Variants in CCNJL observed in about 807,000 individuals in gnomAD.
The protein encoded by CCNJL is cyclin-J-like protein.
In CCNJL, 33 loss-of-function variants were observed where a neutral mutation model predicts 33.4. The observed-to-expected ratio is 0.99, with a 90% CI of 0.75 to 1.32. The LOEUF is 1.32. Among genes scored for constraint, CCNJL ranks in the 40% most tolerant of loss-of-function variants. The pLI is 0.00. For synonymous variants in CCNJL, 227 were observed against 220.9 expected, an observed-to-expected ratio of 1.03 and a Z score of -0.24; for missense variants, 512 against 499.7, an observed-to-expected ratio of 1.02 and a Z score of -0.23.
At chr5:160,334,004 C>T (rs1581024935) in intron 1 of CCNJL, among the ~76,000 whole-genome samples, 1 of 152,288 alleles carries the variant, frequency 6.6e-6, no homozygotes, top group Non-Finnish European at 1.5e-5. Context: ...ATTCTCCACC[C>T]TAACTCAGCC....
chr5:160,329,135 T>C (rs1763574644), intron 1 of CCNJL, among the ~76,000 whole-genome samples: 1 of 152,112 alleles, frequency 6.6e-6, no homozygotes, highest in South Asian at 2.1e-4. Flanking sequence ...GTCCAGGTGT[T>C]AAAAACAATT....
At chr5:160,306,514 T>TA (rs1484532576) in intron 2 of CCNJL, among the ~76,000 whole-genome samples, 1 of 152,032 alleles carries the variant, frequency 6.6e-6, no homozygotes, top group Non-Finnish European at 1.5e-5. Context: ...CCCAGGAAGA[T>TA]AAAGTTACCA....
chr5:160,300,543 C>CT (rs1205366055), intron 2 of CCNJL, among the ~76,000 whole-genome samples: 3 of 152,050 alleles, frequency 2.0e-5, no homozygotes, highest in Admixed American at 6.6e-5. Flanking sequence ...TTTTGTGATT[C>CT]TTTTTTTAGC....
intron 2 of CCNJL, among the ~76,000 whole-genome samples, chr5:160,296,945 G>T (rs1173964028): frequency 6.6e-6 from 1 of 152,158 alleles, no homozygotes; most frequent in Non-Finnish European, 1.5e-5. Context: ...GTGGGCTTGG[G>T]TAAGGTATGT....
intron 1 of CCNJL, among the ~76,000 whole-genome samples, chr5:160,320,785 TTTCC>T (rs1182752305): frequency 5.5e-4 from 80 of 144,850 alleles, no homozygotes; most frequent in Non-Finnish European, 8.1e-4. Flanking sequence ...CTTTTCTTTC[TTTCC>T]TTTCTTTCTT....
In CCNJL at chr5:160,254,294, A is replaced by C; in HGVS notation, c.744-496T>G. ...CTCCTTAGCTAGCTGATATCAACCAAATTGACCGCTGGGGCCTAGGATTTT... is the reference window on the plus strand; with the variant it reads ...CTCCTTAGCTAGCTGATATCAACCACATTGACCGCTGGGGCCTAGGATTTT... On this transcript the variant is annotated intron_variant, in intron 5 of 5. Transcript: ENST00000257536. 3 of 661,000 alleles carry C rather than the reference A, an allele frequency of 4.5e-6. No homozygotes were observed. In the East Asian group the frequency reaches 8.4e-5, roughly 19 times the overall value. The allele number at this position is 661,000 out of a possible 1,614,324, so 40.9% of individuals were successfully genotyped here. A position where few individuals can be genotyped will look rare whatever the true frequency, so the allele number is the denominator to read the frequency against.
upstream of CCNJL, among the ~76,000 whole-genome samples, chr5:160,317,858 A>G (rs1763396130): frequency 6.6e-6 from 1 of 152,006 alleles, no homozygotes; most frequent in Non-Finnish European, 1.5e-5. Context: ...TCTAAGGAAA[A>G]ATTCTTTTTT....
intron 4 of CCNJL, 38 bp downstream of exon 4, chr5:160,259,431 A>C (rs780401295): frequency 6.4e-7 from 1 of 1,568,120 alleles, no homozygotes; most frequent in East Asian, 2.2e-5. Context: ...GTGGTGGGGA[A>C]GGGGTGGGAG....
intron 2 of CCNJL, among the ~76,000 whole-genome samples, chr5:160,297,681 C>T (rs945214887): frequency 1.3e-5 from 2 of 148,706 alleles, no homozygotes; most frequent in South Asian, 2.1e-4. Flanking sequence ...AACAAAACAC[C>T]GGAGAAATAA....
chr5:160,266,842 T>C (rs1019674818), intron 3 of CCNJL, among the ~76,000 whole-genome samples: 5 of 152,210 alleles, frequency 3.3e-5, no homozygotes, highest in South Asian at 2.1e-4. Flanking sequence ...AACACTGTGC[T>C]GGAATGCATG....
At chr5:160,255,469 C>T (rs1423687783) in intron 5 of CCNJL, 80 bp downstream of exon 5, 10 of 1,360,690 alleles carry the variant, frequency 7.3e-6, no homozygotes, top group Non-Finnish European at 9.3e-6. Flanking sequence ...ACTCTGGAAA[C>T]TGCCCGTGGC....
At position 160,259,756 on chromosome 5, in the gene CCNJL, C is replaced by T. The variant is rs751675638; in HGVS notation, c.296G>A (p.Arg99Gln). Residue 99 changes from arginine (R) to glutamine (Q), a missense_variant, in exon 4 of 6, where the codon CGG becomes CAG. By Grantham distance (43) the Arg-to-Gln change is conservative. Coordinates refer to ENST00000257536, the MANE Select transcript of CCNJL (RefSeq NM_001308173.3). ...CLLLASKFEDREDHVPKLEQI... is the reference protein window; with the variant it reads ...CLLLASKFEDQEDHVPKLEQI... ...CTCCAACTTGGGGACGTGGTCTTCC[C>T]GATCCTCGAACTTACCTGTCGGGGA... 1.2e-5 allele frequency: 19 copies of T among 1,608,318 alleles called. No homozygotes were observed. Among genetic ancestry groups the T allele is most frequent in the Middle Eastern group, 3.3e-4 (2 of 6,054 alleles).
At chr5:160,319,833 G>A (rs1032616976) in intron 1 of CCNJL, among the ~76,000 whole-genome samples, 4 of 152,210 alleles carry the variant, frequency 2.6e-5, no homozygotes, top group African/African-American at 9.6e-5. Flanking sequence ...AGCTACTTGG[G>A]AGGTTGAGGT....
upstream of CCNJL, among the ~76,000 whole-genome samples, chr5:160,317,325 T>G (rs753179871): frequency 3.3e-5 from 5 of 152,200 alleles, no homozygotes; most frequent in Non-Finnish European, 7.3e-5. Context: ...CTGGTCCACA[T>G]TACTTTTTTA....
intron 3 of CCNJL, among the ~76,000 whole-genome samples, chr5:160,260,376 G>A (rs2113242597): frequency 6.6e-6 from 1 of 152,274 alleles, no homozygotes; most frequent in South Asian, 2.1e-4. Context: ...ATCGGTAGGT[G>A]GGGGACGAGA....
chr5:160,334,083 G>A (rs1248628478), intron 1 of CCNJL, among the ~76,000 whole-genome samples: 10 of 152,150 alleles, frequency 6.6e-5, no homozygotes, highest in South Asian at 2.1e-4. Context: ...TTCAGGAATC[G>A]CATGCTGTGA....
At chr5:160,282,966 A>AAT (rs70990720) in intron 2 of CCNJL, among the ~76,000 whole-genome samples, 542 of 43,236 alleles carry the variant, frequency 0.013, 23 homozygotes, top group Non-Finnish European at 0.016. Flanking sequence ...CAGTCCTTGG[A>AAT]ATATATATAT....
At chr5:160,324,228 TCATCAA>T (rs1220355221) in intron 1 of CCNJL, among the ~76,000 whole-genome samples, 1 of 152,218 alleles carries the variant, frequency 6.6e-6, no homozygotes, top group Non-Finnish European at 1.5e-5. Flanking sequence ...TAAAACATCC[TCATCAA>T]CAATGTTAAA....
At chr5:160,335,458 G>C (rs1361857098) in intron 1 of CCNJL, among the ~76,000 whole-genome samples, 1 of 152,196 alleles carries the variant, frequency 6.6e-6, no homozygotes, top group South Asian at 2.1e-4. Context: ...GGCATGTTTT[G>C]CCTCCATTCC....
Sources: allele counts gnomAD v4.1 joint callset (sites outside exome capture counted in the v4.1 genomes callset), GRCh38; gene constraint gnomAD v4.1.1; transcripts MANE v1.5; gene names NCBI Gene and HGNC (gene_info 2026-07-23, HGNC 2026-07-21).